The following AFF3 variants were observed in gnomAD, a reference collection of about 807,000 sequenced individuals.
AFF3 encodes the protein AF4/FMR2 family member 3.
Under a neutral mutation model 129.7 loss-of-function variants are expected in AFF3, and 32 were observed. The ratio of observed to expected loss-of-function variants is 0.25; its 90% CI spans 0.19 to 0.33. The LOEUF (loss-of-function observed/expected upper bound fraction) is 0.33. Among genes scored for constraint, AFF3 ranks in the 10% least tolerant of loss-of-function variants. The pLI, the probability that AFF3 is intolerant of heterozygous loss-of-function variation, is 1.00. For missense variants in AFF3, 1,373 were observed against 1,592.0 expected (o/e 0.86, Z 2.34); for synonymous variants, 644 against 635.4 (o/e 1.01, Z -0.20).
In AFF3 at chr2:100,006,726, T is replaced by G. The variant is rs138223257; in HGVS notation, c.779A>C (p.His260Pro). The G allele has an allele frequency of 1.2e-6, 2 of 1,614,214 alleles. No individual in the cohort carries two copies. The highest frequency in any genetic ancestry group is 1.3e-5 in the African/African-American group (1 of 75,058). Residue 260 changes from histidine to proline, a missense_variant, in exon 7 of 25, where the codon CAC becomes CCC. Physicochemically the swap from His to Pro is moderately conservative, Grantham distance 77. Transcript: ENST00000672756. ...KLKSSSETSV[H>P]CTSYRGVPAS... is the part of the protein sequence containing the mutation. ...AGGGACTCCCCTGTATGATGTGCAG[T>G]GCACGCTGGTTTCCGAAGACGACTT...
intron 7 of AFF3, among the ~76,000 whole-genome samples, chr2:99,931,245 C>G (rs1316796308): frequency 6.6e-6 from 1 of 152,164 alleles, no homozygotes; most frequent in Non-Finnish European, 1.5e-5. Flanking sequence ...ATTCATGGAA[C>G]AGTTATTGAG....
intron 7 of AFF3, among the ~76,000 whole-genome samples, chr2:99,884,791 A>C (rs1314292055): frequency 6.6e-6 from 1 of 152,130 alleles, no homozygotes; most frequent in Non-Finnish European, 1.5e-5. Context: ...CACTGTGAAG[A>C]CCACATTAGC....
chr2:99,884,212 C>T (rs12105749), intron 7 of AFF3, among the ~76,000 whole-genome samples: 72,298 of 151,962 alleles, frequency 0.48, 17,581 homozygotes, highest in African/African-American at 0.56. Flanking sequence ...AAAAAGTATA[C>T]GTATTTATGG....
chr2:99,751,304 G>C (rs1382792951), intron 9 of AFF3, among the ~76,000 whole-genome samples: 1 of 152,146 alleles, frequency 6.6e-6, no homozygotes, highest in Admixed American at 6.5e-5. Flanking sequence ...TGTTGGCCAG[G>C]CTGGTCTTCA....
chr2:100,024,369 G>C (rs1266106930), intron 4 of AFF3, among the ~76,000 whole-genome samples: 1 of 151,798 alleles, frequency 6.6e-6, no homozygotes, highest in African/African-American at 2.4e-5. Context: ...GAGGTCGGGA[G>C]TTCGAGATGG....
At chr2:99,739,235 C>T (rs1381190365) in intron 10 of AFF3, among the ~76,000 whole-genome samples, 3 of 151,940 alleles carry the variant, frequency 2.0e-5, no homozygotes, top group East Asian at 1.9e-4. Context: ...GGGCTGTTCC[C>T]ACCACCACTA....
At chr2:100,075,998 G>T (rs1234625971) in intron 4 of AFF3, among the ~76,000 whole-genome samples, 2 of 152,116 alleles carry the variant, frequency 1.3e-5, no homozygotes. Context: ...TCCAGGTAGT[G>T]TTAAATCTGG....
At chr2:100,019,297 A>G (rs1041866588) in intron 4 of AFF3, among the ~76,000 whole-genome samples, 1 of 152,198 alleles carries the variant, frequency 6.6e-6, no homozygotes, top group African/African-American at 2.4e-5. Flanking sequence ...GAAAAGGACT[A>G]AGAGTCACCT....
intron 13 of AFF3, among the ~76,000 whole-genome samples, chr2:99,640,120 T>C (rs1475658006): frequency 6.6e-6 from 1 of 152,202 alleles, no homozygotes; most frequent in Non-Finnish European, 1.5e-5. Flanking sequence ...CAGGCTCTAG[T>C]AAAACATATT....
chr2:99,739,027 T>A (rs1486980846), intron 10 of AFF3, among the ~76,000 whole-genome samples: 1 of 151,236 alleles, frequency 6.6e-6, no homozygotes, highest in Non-Finnish European at 1.5e-5. Context: ...TTTTTTTTTT[T>A]AGCAAATATT....
intron 11 of AFF3, among the ~76,000 whole-genome samples, chr2:99,701,704 C>G (rs1021845752): frequency 1.3e-5 from 2 of 152,276 alleles, no homozygotes; most frequent in East Asian, 1.9e-4. Context: ...TGTGTGTGCA[C>G]GTAGCTATAT....
intron 8 of AFF3, among the ~76,000 whole-genome samples, chr2:99,805,867 G>T (rs1326406599): frequency 1.4e-5 from 2 of 146,384 alleles, no homozygotes; most frequent in African/African-American, 5.0e-5. Flanking sequence ...AGGAACATTT[G>T]CCCGCTCTTT....
intron 7 of AFF3, among the ~76,000 whole-genome samples, chr2:99,941,106 C>T (rs539977931): frequency 2.6e-5 from 4 of 152,220 alleles, no homozygotes; most frequent in African/African-American, 7.2e-5. Context: ...GAGCAGGGAA[C>T]GTGAGCTCTT....
intron 11 of AFF3, among the ~76,000 whole-genome samples, chr2:99,701,220 G>A (rs1676829609): frequency 6.6e-6 from 1 of 152,282 alleles, no homozygotes; most frequent in East Asian, 1.9e-4. Flanking sequence ...TGCATTTTCA[G>A]CTTAGGCTAC....
intron 13 of AFF3, among the ~76,000 whole-genome samples, chr2:99,602,290 T>C (rs1461646519): frequency 3.3e-5 from 5 of 152,138 alleles, no homozygotes; most frequent in African/African-American, 1.2e-4. Context: ...GAACTGAAGA[T>C]CCCTCACTGA....
At chr2:99,830,694 C>T (rs1043299345) in intron 8 of AFF3, among the ~76,000 whole-genome samples, 1 of 152,104 alleles carries the variant, frequency 6.6e-6, no homozygotes, top group Non-Finnish European at 1.5e-5. Flanking sequence ...GAGATTGTGC[C>T]ACTGTACACC....
chr2:99,811,411 G>A (rs1191343096), intron 8 of AFF3, among the ~76,000 whole-genome samples: 2 of 152,022 alleles, frequency 1.3e-5, no homozygotes, highest in African/African-American at 4.8e-5. Context: ...GAGGCACAGA[G>A]GTTTTTTGGT....
intron 11 of AFF3, among the ~76,000 whole-genome samples, chr2:99,686,540 T>C (rs529738751): frequency 1.3e-5 from 2 of 152,242 alleles, no homozygotes; most frequent in African/African-American, 2.4e-5. Context: ...GCCAGCCATA[T>C]TGCATATTGA....
At chr2:99,891,343 G>A (rs1347369672) in intron 7 of AFF3, among the ~76,000 whole-genome samples, 1 of 152,146 alleles carries the variant, frequency 6.6e-6, no homozygotes, top group Non-Finnish European at 1.5e-5. Flanking sequence ...CCCAGCAGCA[G>A]GCCAGGCTTT....
Sources: gnomAD v4.1 joint callset for allele counts (sites outside exome capture counted in the v4.1 genomes callset) on GRCh38, gnomAD v4.1.1 for gene constraint, MANE v1.5 for transcripts, NCBI Gene and HGNC (gene_info 2026-07-23, HGNC 2026-07-21) for gene names.